TRPS1: variants seen among roughly 807,000 people sequenced by gnomAD.
TRPS1 encodes the protein zinc finger transcription factor Trps1.
TRPS1 carries 6 observed loss-of-function variants against 101.2 expected under a neutral mutation model. That is an observed-to-expected ratio of 0.06 (90% confidence interval 0.03 to 0.12). The LOEUF (loss-of-function observed/expected upper bound fraction) is 0.12. Ranked by LOEUF, TRPS1 falls within the 10% of genes least tolerant of loss-of-function variation. The probability of loss-of-function intolerance (pLI) is 1.00; values close to 1 mark genes in which losing one functional copy is unlikely to be tolerated. For missense variants in TRPS1, 1,363 were observed against 1,567.0 expected (o/e 0.87, Z 2.20); for synonymous variants, 578 against 589.8 (o/e 0.98, Z 0.29).
chr8:115,465,023 A>G (rs1300977808), intron 5 of TRPS1, among the ~76,000 whole-genome samples: 1 of 152,132 alleles, frequency 6.6e-6, no homozygotes, highest in Non-Finnish European at 1.5e-5. Flanking sequence ...TGTCCTTTGA[A>G]GCACAATTTA....
chr8:115,615,497 C>A (rs767102494), intron 3 of TRPS1, among the ~76,000 whole-genome samples: 1 of 152,288 alleles, frequency 6.6e-6, no homozygotes, highest in Middle Eastern at 3.4e-3. Flanking sequence ...TAGCAGGGCG[C>A]GGTGGCTCAC....
At position 115,583,783 on chromosome 8, in the gene TRPS1, A is replaced by G. The variant is rs370359158; in HGVS notation, c.2700+3218T>C. Reference sequence around the variant, plus strand: ...GGCATATGCAACTGAAAATTTTTATATCAAGATCAATTCCATACTAATAAC... The same window carrying G: ...GGCATATGCAACTGAAAATTTTTATGTCAAGATCAATTCCATACTAATAAC... On this transcript the variant is annotated intron_variant, in intron 5 of 6. Transcript: ENST00000395715. 6.6e-5 allele frequency among the ~76,000 whole-genome samples: 10 copies of G among 152,158 alleles called. No individual in the cohort carries two copies. In the East Asian group the frequency reaches 1.9e-3, roughly 29 times the overall value.
intron 3 of TRPS1, among the ~76,000 whole-genome samples, chr8:115,609,566 T>G (rs572780983): frequency 6.6e-6 from 1 of 152,196 alleles, no homozygotes; most frequent in Non-Finnish European, 1.5e-5. Flanking sequence ...CAGTACTTCA[T>G]GGCACCCTCA....
chr8:115,456,731 C>T (rs895412845), intron 5 of TRPS1, among the ~76,000 whole-genome samples: 1 of 151,952 alleles, frequency 6.6e-6, no homozygotes, highest in Non-Finnish European at 1.5e-5. Context: ...TTCTATTTTA[C>T]TCCCCCCCAA....
intron 5 of TRPS1, among the ~76,000 whole-genome samples, chr8:115,516,772 T>C (rs1362992935): frequency 5.9e-5 from 9 of 151,570 alleles, no homozygotes; most frequent in African/African-American, 2.2e-4. Context: ...TTAAAGAGTA[T>C]GAATAAAGTC....
intron 1 of TRPS1, chr8:115,637,311 C>A: frequency 1.0e-6 from 1 of 985,310 alleles, no homozygotes; most frequent in African/African-American, 1.7e-5. Context: ...TTGGAGAAAG[C>A]AGGAAGCCAC....
intron 1 of TRPS1, chr8:115,667,917 GC>G: frequency 2.0e-6 from 3 of 1,535,422 alleles, no homozygotes; most frequent in Middle Eastern, 1.7e-4. Flanking sequence ...CTTGTCACGA[GC>G]CCCCAGAAAA....
At chr8:115,501,163 T>C (rs963325589) in intron 5 of TRPS1, among the ~76,000 whole-genome samples, 1 of 152,188 alleles carries the variant, frequency 6.6e-6, no homozygotes, top group African/African-American at 2.4e-5. Flanking sequence ...GAATCTCAAA[T>C]CATATTTTCC....
chr8:115,638,079 C>T (rs2130578549), intron 1 of TRPS1, among the ~76,000 whole-genome samples: 1 of 152,296 alleles, frequency 6.6e-6, no homozygotes, highest in East Asian at 1.9e-4. Flanking sequence ...CCCCACTATA[C>T]ACCCCATGTA....
At chr8:115,455,875 C>T (rs1042970348) in intron 5 of TRPS1, among the ~76,000 whole-genome samples, 2 of 149,956 alleles carry the variant, frequency 1.3e-5, no homozygotes, top group African/African-American at 4.9e-5. Flanking sequence ...AGCTCCACCT[C>T]CTGGGTTCAC....
intron 5 of TRPS1, among the ~76,000 whole-genome samples, chr8:115,429,425 G>A (rs1263031089): frequency 2.0e-5 from 3 of 152,092 alleles, no homozygotes; most frequent in African/African-American, 7.2e-5. Flanking sequence ...GTAATACATT[G>A]TCTTGGGTAG....
intron 2 of TRPS1, among the ~76,000 whole-genome samples, chr8:115,620,648 T>G (rs899897604): frequency 6.6e-6 from 1 of 152,218 alleles, no homozygotes; most frequent in African/African-American, 2.4e-5. Context: ...GAAACAGCTA[T>G]GTTATAAACA....
chr8:115,503,525 A>T (rs992441467), intron 5 of TRPS1, among the ~76,000 whole-genome samples: 1 of 152,186 alleles, frequency 6.6e-6, no homozygotes, highest in African/African-American at 2.4e-5. Flanking sequence ...ATCCTGAAAC[A>T]GAGCCAAATA....
intron 5 of TRPS1, among the ~76,000 whole-genome samples, chr8:115,523,138 A>G (rs1251203407): frequency 2.0e-5 from 3 of 152,140 alleles, no homozygotes; most frequent in Admixed American, 6.6e-5. Context: ...GAATCCCAAC[A>G]TATCCCAAAA....
At chr8:115,530,944 G>A (rs553191272) in intron 5 of TRPS1, among the ~76,000 whole-genome samples, 3 of 152,052 alleles carry the variant, frequency 2.0e-5, no homozygotes, top group Non-Finnish European at 4.4e-5. Flanking sequence ...GTGGGGGAAG[G>A]GGGGAGGGAT....
In TRPS1 at chr8:115,623,732, A is replaced by C; in HGVS notation, c.-95T>G. 1.3e-6 allele frequency: 2 copies of C among 1,551,114 alleles called. No individual in the cohort carries two copies. Among genetic ancestry groups the C allele is most frequent in the Non-Finnish European group, 1.7e-6 (2 of 1,148,296 alleles). Reference sequence around the variant, plus strand: ...TTAGAAGACGCTCAGAAGACACAGAAGACATTTTGAGAGCTGATCTGTACA... The same window carrying C: ...TTAGAAGACGCTCAGAAGACACAGACGACATTTTGAGAGCTGATCTGTACA... On this transcript the variant is annotated 5_prime_UTR_variant, in exon 2 of 7. Coordinates refer to ENST00000395715, the MANE Select transcript of TRPS1 (RefSeq NM_014112.5).
At chr8:115,575,970 AACATCT>A (rs1817308206) in intron 5 of TRPS1, among the ~76,000 whole-genome samples, 1 of 152,116 alleles carries the variant, frequency 6.6e-6, no homozygotes, top group Non-Finnish European at 1.5e-5. Flanking sequence ...TTCTGATTTG[AACATCT>A]GACTGTGAAC....
chr8:115,436,043 C>T (rs1412229509), intron 5 of TRPS1, among the ~76,000 whole-genome samples: 2 of 144,216 alleles, frequency 1.4e-5, no homozygotes, highest in African/African-American at 5.0e-5. Flanking sequence ...CACACACACA[C>T]ATTCAGCTAA....
intron 5 of TRPS1, among the ~76,000 whole-genome samples, chr8:115,448,418 A>T (rs1813788917): frequency 6.6e-6 from 1 of 152,198 alleles, no homozygotes; most frequent in Non-Finnish European, 1.5e-5. Context: ...ATACTTTAAG[A>T]GAGACTAGCA....
Sources: gnomAD v4.1 joint callset for allele counts (sites outside exome capture counted in the v4.1 genomes callset) on GRCh38, gnomAD v4.1.1 for gene constraint, MANE v1.5 for transcripts, NCBI Gene and HGNC (gene_info 2026-07-23, HGNC 2026-07-21) for gene names.